Variants in TMPRSS15 observed in about 807,000 individuals in gnomAD.
The protein encoded by TMPRSS15 is transmembrane serine protease 15.
In TMPRSS15, 128 loss-of-function variants were observed where a neutral mutation model predicts 125.3. The observed-to-expected ratio is 1.02, with a 90% CI of 0.89 to 1.18. The LOEUF is 1.18. Ranked by LOEUF, TMPRSS15 falls within the 50% of genes most tolerant of loss-of-function variation. The pLI, the probability that TMPRSS15 is intolerant of heterozygous loss-of-function variation, is 0.00. For synonymous variants in TMPRSS15, 446 were observed against 423.2 expected, an observed-to-expected ratio of 1.05 and a Z score of -0.66; for missense variants, 1,283 against 1,212.7, an observed-to-expected ratio of 1.06 and a Z score of -0.86.
chr21:18,300,535 G>C (rs898301291), intron 18 of TMPRSS15, among the ~76,000 whole-genome samples: 1 of 151,210 alleles, frequency 6.6e-6, no homozygotes, highest in Non-Finnish European at 1.5e-5. Context: ...AGTAGAGAGG[G>C]TGTTTCACTA....
chr21:18,440,264 A>T (rs559583227), intron 1 of TMPRSS15, among the ~76,000 whole-genome samples: 11 of 148,508 alleles, frequency 7.4e-5, no homozygotes, highest in Admixed American at 1.4e-4. Context: ...TCCCAGCTAC[A>T]CGGGAGGCTG....
At position 18,269,698 on chromosome 21, in the gene TMPRSS15, GA is replaced by G; in HGVS notation, c.*270del. On this transcript the variant is annotated 3_prime_UTR_variant, in exon 25 of 25. Transcript: ENST00000284885. ...AGTAAGTAATAAAAATAATCATTAA[GA>G]ATTTTAAAAATGAGATCTGTGAAGA... 2.7e-6 allele frequency: 1 copy of G among 364,670 alleles called. No homozygotes were observed. The highest frequency in any genetic ancestry group is 5.1e-6 in the Non-Finnish European group (1 of 197,840). The allele number at this position is 364,670 out of a possible 1,614,324, so 22.6% of individuals were successfully genotyped here. A position where few individuals can be genotyped will look rare whatever the true frequency, so the allele number is the denominator to read the frequency against.
Position 18,294,609 on chromosome 21 carries a change from G to A in TMPRSS15, c.2305C>T (p.His769Tyr), listed in dbSNP as rs1258522509. 1 of 1,610,866 alleles carries A rather than the reference G, an allele frequency of 6.2e-7. No individual in the cohort carries two copies. Among genetic ancestry groups the A allele is most frequent in the South Asian group, 1.1e-5 (1 of 90,972 alleles). Reference sequence around the variant, plus strand: ...TGACAACATATTTACTTACATTTATGGTTACACTGTAACCGAATCAAGGAA... The same window carrying A: ...TGACAACATATTTACTTACATTTATAGTTACACTGTAACCGAATCAAGGAA... ...QDSLIRLQCN[H>Y]KSCGKKLAAQ... The change falls in exon 20 of 25, where the codon CAT (histidine) becomes TAT (tyrosine). Residue 769 changes from histidine to tyrosine, a missense_variant. Coordinates refer to ENST00000284885, the MANE Select transcript of TMPRSS15 (RefSeq NM_002772.3).
chr21:18,302,952 C>T (rs1601301184), intron 18 of TMPRSS15, among the ~76,000 whole-genome samples: 1 of 152,172 alleles, frequency 6.6e-6, no homozygotes, highest in Non-Finnish European at 1.5e-5. Flanking sequence ...GCATATGACA[C>T]ACACCTCTAC....
At chr21:18,461,850 T>C (rs1978557234) in intron 1 of TMPRSS15, among the ~76,000 whole-genome samples, 1 of 152,154 alleles carries the variant, frequency 6.6e-6, no homozygotes, top group South Asian at 2.1e-4. Flanking sequence ...CAACTTCATG[T>C]TTTATAAAAT....
At chr21:18,483,842 CAG>C (rs1006797273) in intron 1 of TMPRSS15, among the ~76,000 whole-genome samples, 1 of 151,832 alleles carries the variant, frequency 6.6e-6, no homozygotes, top group Non-Finnish European at 1.5e-5. Flanking sequence ...CAGAATCAAA[CAG>C]AGAGAATATA....
intron 1 of TMPRSS15, among the ~76,000 whole-genome samples, chr21:18,430,098 A>G (rs1036126565): frequency 2.0e-5 from 3 of 152,202 alleles, no homozygotes; most frequent in African/African-American, 7.2e-5. Flanking sequence ...TGTTAGCATC[A>G]GTCTTTGTGA....
chr21:18,360,288 G>A (rs761062150), intron 7 of TMPRSS15, among the ~76,000 whole-genome samples: 2 of 151,218 alleles, frequency 1.3e-5, no homozygotes, highest in Non-Finnish European at 2.9e-5. Flanking sequence ...CTTTATGACT[G>A]AGTAATATTC....
At chr21:18,400,016 T>C (rs1308390922) in intron 1 of TMPRSS15, among the ~76,000 whole-genome samples, 2 of 152,008 alleles carry the variant, frequency 1.3e-5, no homozygotes, top group Admixed American at 6.6e-5. Context: ...GGAATATCTC[T>C]CACCAAGGAT....
At chr21:18,326,711 GAACACACACA>G (rs1163941376) in intron 15 of TMPRSS15, 139 bp from the exon 16 acceptor site, 1 of 869,496 alleles carries the variant, frequency 1.2e-6, no homozygotes, top group African/African-American at 1.7e-5. Context: ...ACAAGTAAAT[GAACACACACA>G]TTCTCTTACA....
rs58213819 is a variant in TMPRSS15 at position 18,284,019 on chromosome 21, C to A, written c.2487-2798G>T. Among the ~76,000 whole-genome samples the A allele has an allele frequency of 7.1e-3, 1,084 of 152,228 alleles. 11 individuals are homozygous for A. Among genetic ancestry groups the A allele is most frequent in the African/African-American group, 0.025 (1,052 of 41,512 alleles). On this transcript the variant is annotated intron_variant, in intron 21 of 24. Transcript: ENST00000284885. ...TCATCTAATTTAATACAATTTACAA[C>A]AATATTAATCTGACACATTCTTGAT...
intron 18 of TMPRSS15, among the ~76,000 whole-genome samples, chr21:18,301,149 C>T (rs1236706436): frequency 6.6e-6 from 1 of 152,008 alleles, no homozygotes; most frequent in Non-Finnish European, 1.5e-5. Flanking sequence ...AATATTGTTA[C>T]CAGTAACATA....
intron 1 of TMPRSS15, among the ~76,000 whole-genome samples, chr21:18,466,338 G>A (rs1314829170): frequency 6.6e-6 from 1 of 152,052 alleles, no homozygotes; most frequent in Non-Finnish European, 1.5e-5. Context: ...TTACCATTCA[G>A]GACATAGGCA....
chr21:18,299,244 G>C (rs978709225), intron 18 of TMPRSS15, among the ~76,000 whole-genome samples: 1 of 152,172 alleles, frequency 6.6e-6, no homozygotes, highest in Non-Finnish European at 1.5e-5. Flanking sequence ...AAACAAAACA[G>C]GTGTGAAGAT....
chr21:18,398,333 G>C lies in TMPRSS15; in HGVS notation c.146-4C>G, dbSNP rs1294263362. The C allele has an allele frequency of 1.2e-6, 2 of 1,613,162 alleles. No individual in the cohort carries two copies. The highest frequency in any genetic ancestry group is 1.3e-5 in the African/African-American group (1 of 74,872). Reference sequence around the variant, plus strand: ...TGACTCTGTCCAAGTGCTGCACCTAGATAAATTAATAAGGAAAAAACACTA... The same window carrying C: ...TGACTCTGTCCAAGTGCTGCACCTACATAAATTAATAAGGAAAAAACACTA... On this transcript the variant is annotated splice_polypyrimidine_tract_variant and splice_region_variant and intron_variant, in intron 1 of 24. Coordinates refer to ENST00000284885, the MANE Select transcript of TMPRSS15 (RefSeq NM_002772.3).
intron 3 of TMPRSS15, among the ~76,000 whole-genome samples, chr21:18,387,810 C>G (rs1442030265): frequency 6.6e-6 from 1 of 151,966 alleles, no homozygotes; most frequent in East Asian, 1.9e-4. Context: ...AAATCTATAA[C>G]AAAAATGTAA....
In TMPRSS15 at chr21:18,296,592, C is replaced by T. The variant is rs1174500894; in HGVS notation, c.2261+1142G>A. 2.0e-5 allele frequency among the ~76,000 whole-genome samples: 3 copies of T among 152,160 alleles called. No individual in the cohort carries two copies. In the East Asian group the frequency reaches 5.8e-4, roughly 29 times the overall value. On this transcript the variant is annotated intron_variant, in intron 19 of 24. Coordinates refer to ENST00000284885, the MANE Select transcript of TMPRSS15 (RefSeq NM_002772.3). The stretch of plus-strand genomic sequence containing the variant: ...AGAATAAGCTAGTTTTGATCTCAAG[C>T]ATGCATATAATTAACATAAATGATT...
At chr21:18,418,347 C>A (rs1006462496) in intron 1 of TMPRSS15, among the ~76,000 whole-genome samples, 1 of 152,124 alleles carries the variant, frequency 6.6e-6, no homozygotes, top group African/African-American at 2.4e-5. Flanking sequence ...TCTGTTGTAG[C>A]GATGGCTAAG....
Position 18,403,608 on chromosome 21 carries a change from T to G in TMPRSS15, c.15A>C (p.Arg5Ser). 1 of 1,614,146 alleles carries G rather than the reference T, an allele frequency of 6.2e-7. No homozygotes were observed. The change falls in exon 1 of 25, where the codon AGA becomes AGC. Residue 5 changes from arginine to serine, a missense_variant. Arg to Ser is a moderately radical substitution (Grantham distance 110, BLOSUM62 -1). Coordinates refer to ENST00000284885, the MANE Select transcript of TMPRSS15 (RefSeq NM_002772.3). ...GAGAATGATGCCTAGAAGATATGCC[T>G]CTTTTCGACCCCATTTTTGGTTTTG... MGSKRGISSRHHSLS... is the reference protein window; with the variant it reads MGSKSGISSRHHSLS...
Sources: gnomAD v4.1 joint callset for allele counts (sites outside exome capture counted in the v4.1 genomes callset) on GRCh38, gnomAD v4.1.1 for gene constraint, MANE v1.5 for transcripts, NCBI Gene and HGNC (gene_info 2026-07-23, HGNC 2026-07-21) for gene names.